The following SNX4 variants were observed in gnomAD, a reference collection of about 807,000 sequenced individuals.
SNX4 encodes sorting nexin 4.
Under a neutral mutation model 70.8 loss-of-function variants are expected in SNX4, and 49 were observed. The observed-to-expected ratio is 0.69, with a 90% CI of 0.55 to 0.88. SNX4 has a LOEUF of 0.88. SNX4 is among the 40% of genes least tolerant of loss of function. The pLI, the probability that SNX4 is intolerant of heterozygous loss-of-function variation, is 0.00. For synonymous variants in SNX4, 206 were observed against 183.8 expected (o/e 1.12, Z -0.98); for missense variants, 528 against 544.8 (o/e 0.97, Z 0.31).
At position 125,476,842 on chromosome 3, in the gene SNX4, T is replaced by C; in HGVS notation, c.727-86A>G. ...TAGACCCAAAAAACAAAAAACATGC[T>C]TACTACAATAAACTTGGAAATAGAA... On this transcript the variant is annotated intron_variant, in intron 7 of 13. Transcript: ENST00000251775. 3 of 719,840 alleles carry C rather than the reference T, an allele frequency of 4.2e-6. No individual in the cohort carries two copies. The South Asian group carries it at 5.2e-5, about 13-fold the overall frequency. The allele number at this position is 719,840 out of a possible 1,614,324, so 44.6% of individuals were successfully genotyped here. A position where few individuals can be genotyped will look rare whatever the true frequency, so the allele number is the denominator to read the frequency against.
chr3:125,465,565 TAA>T lies in SNX4; in HGVS notation c.854+3887_854+3888del, dbSNP rs200609496. Among the ~76,000 whole-genome samples the T allele has an allele frequency of 8.8e-3, 1,336 of 152,220 alleles. 13 individuals are homozygous for T. The highest frequency in any genetic ancestry group is 0.013 in the Non-Finnish European group (888 of 68,012). On this transcript the variant is annotated intron_variant, in intron 9 of 13. Coordinates refer to ENST00000251775, the MANE Select transcript of SNX4 (RefSeq NM_003794.4). Reference sequence around the variant, plus strand: ...TGCCCGGCCTAGTAAATCTTGAAAGTAATATATTCCAGTTTTGTTCTTTGTCA... The same window carrying T: ...TGCCCGGCCTAGTAAATCTTGAAAGTTATATTCCAGTTTTGTTCTTTGTCA...
chr3:125,495,275 T>TATATATATACACACACACAC, intron 5 of SNX4, among the ~76,000 whole-genome samples: 3 of 83,046 alleles, frequency 3.6e-5, no homozygotes, highest in Non-Finnish European at 5.2e-5. Context: ...TATATATATA[T>TATATATATACACACACACAC]ATACACATAC....
At chr3:125,451,443 ATTATTAT>A in intron 12 of SNX4, 24 bp from the exon 13 acceptor site, 1 of 1,517,974 alleles carries the variant, frequency 6.6e-7, no homozygotes, top group South Asian at 1.2e-5. Context: ...TATAGCCATT[ATTATTAT>A]TTAAGTTAAA....
At chr3:125,450,789 C>T (rs537181633) in intron 13 of SNX4, among the ~76,000 whole-genome samples, 1 of 152,274 alleles carries the variant, frequency 6.6e-6, no homozygotes, top group South Asian at 2.1e-4. Flanking sequence ...CAGGTCTTCA[C>T]GAAATAATGT....
chr3:125,448,395 A>C (rs1294370234), intron 13 of SNX4, among the ~76,000 whole-genome samples: 1 of 151,192 alleles, frequency 6.6e-6, no homozygotes, highest in Non-Finnish European at 1.5e-5. Context: ...TCTGCCTCCC[A>C]AAGTGCTGGC....
intron 6 of SNX4, 64 bp from the exon 7 acceptor site, chr3:125,480,383 A>C: frequency 2.9e-6 from 3 of 1,047,386 alleles, no homozygotes; most frequent in Non-Finnish European, 4.1e-6. Context: ...AAACTGAAAG[A>C]AAAAAACAGT....
intron 13 of SNX4, 92 bp from the exon 14 acceptor site, chr3:125,447,918 T>C (rs1183751971): frequency 8.1e-6 from 6 of 745,304 alleles, no homozygotes; most frequent in Non-Finnish European, 1.3e-5. Context: ...GTTTTGCTTT[T>C]TGGAATAATT....
chr3:125,499,762 T>TA (rs372624115), intron 2 of SNX4, among the ~76,000 whole-genome samples: 1,741 of 134,604 alleles, frequency 0.013, 21 homozygotes, highest in East Asian at 0.057. Context: ...CATAAGTGTT[T>TA]AAAAAAAAAA....
At chr3:125,477,423 C>T (rs908684804) in intron 7 of SNX4, among the ~76,000 whole-genome samples, 1 of 152,150 alleles carries the variant, frequency 6.6e-6, no homozygotes, top group Non-Finnish European at 1.5e-5. Context: ...AGAAATTTTA[C>T]AAGTTAAAAC....
At chr3:125,508,593 A>C (rs1935100945) in intron 1 of SNX4, among the ~76,000 whole-genome samples, 1 of 151,958 alleles carries the variant, frequency 6.6e-6, no homozygotes, top group Non-Finnish European at 1.5e-5. Context: ...AAAATGTAGC[A>C]TAAAATTGGA....
chr3:125,494,796 C>G (rs1934745093), intron 5 of SNX4, among the ~76,000 whole-genome samples: 1 of 152,050 alleles, frequency 6.6e-6, no homozygotes. Context: ...TCCAGTTAAC[C>G]ATTACAAACA....
At chr3:125,504,873 G>A in intron 1 of SNX4, 129 bp from the exon 2 acceptor site, 1 of 1,058,250 alleles carries the variant, frequency 9.4e-7, no homozygotes, top group Middle Eastern at 3.3e-4. Flanking sequence ...TATAGTTCTT[G>A]AGTTGCCAGG....
intron 6 of SNX4, among the ~76,000 whole-genome samples, chr3:125,487,508 T>C (rs1461944479): frequency 2.0e-5 from 3 of 152,090 alleles, no homozygotes; most frequent in Non-Finnish European, 1.5e-5. Flanking sequence ...ATCAAAAATA[T>C]TATCAAAATA....
At chr3:125,504,026 A>C (rs1934987171) in intron 2 of SNX4, among the ~76,000 whole-genome samples, 2 of 151,850 alleles carry the variant, frequency 1.3e-5, no homozygotes, top group African/African-American at 4.8e-5. Flanking sequence ...GTGAGACCCC[A>C]TCTCTACAAA....
At position 125,495,277 on chromosome 3, in the gene SNX4, T is replaced by TATATATATACACAC; in HGVS notation, c.597+2063_597+2064insGTGTGTATATATAT. On this transcript the variant is annotated intron_variant, in intron 5 of 13. Transcript: ENST00000251775. The stretch of plus-strand genomic sequence containing the variant: ...ATATATATATATATATATATATATA[T>TATATATATACACAC]ACACATACACACACACACACGTATG... Among the ~76,000 whole-genome samples, 78 of 99,602 alleles carry TATATATATACACAC rather than the reference T, an allele frequency of 7.8e-4. 2 individuals are homozygous for TATATATATACACAC. In the South Asian group the frequency reaches 8.1e-3, roughly 10 times the overall value. 65.3% of individuals were successfully genotyped at this position (99,602 alleles called of 152,430 possible).
intron 6 of SNX4, among the ~76,000 whole-genome samples, chr3:125,481,887 C>A (rs1218103840): frequency 6.6e-6 from 1 of 151,910 alleles, no homozygotes; most frequent in East Asian, 1.9e-4. Flanking sequence ...CTTTATTTTT[C>A]TTTCCTTCTT....
intron 1 of SNX4, among the ~76,000 whole-genome samples, chr3:125,511,775 TGAAG>T (rs1935179083): frequency 6.6e-6 from 1 of 152,054 alleles, no homozygotes; most frequent in African/African-American, 2.4e-5. Flanking sequence ...GAGTGTTTTA[TGAAG>T]GAGAGATAAA....
At chr3:125,484,734 G>GGAA (rs1441193601) in intron 6 of SNX4, among the ~76,000 whole-genome samples, 1 of 151,914 alleles carries the variant, frequency 6.6e-6, no homozygotes, top group Non-Finnish European at 1.5e-5. Context: ...GCTCACATAT[G>GGAA]TAATCCCAGC....
intron 7 of SNX4, among the ~76,000 whole-genome samples, chr3:125,477,170 T>C (rs1934306107): frequency 6.6e-6 from 1 of 152,194 alleles, no homozygotes; most frequent in Admixed American, 6.5e-5. Flanking sequence ...AAGTTATCTC[T>C]GAGAATAAGC....
Sources: gnomAD v4.1 joint callset for allele counts (sites outside exome capture counted in the v4.1 genomes callset) on GRCh38, gnomAD v4.1.1 for gene constraint, MANE v1.5 for transcripts, NCBI Gene and HGNC (gene_info 2026-07-23, HGNC 2026-07-21) for gene names.